The following INTU variants were observed in gnomAD, a reference collection of about 807,000 sequenced individuals.
INTU encodes protein inturned.
In INTU, 68 loss-of-function variants were observed where a neutral mutation model predicts 100.5. That is an observed-to-expected ratio of 0.68 (90% CI 0.56 to 0.83). The LOEUF (loss-of-function observed/expected upper bound fraction) is 0.83. Ranked by LOEUF, INTU falls within the 40% of genes least tolerant of loss-of-function variation. INTU has a pLI of 0.00. For synonymous variants in INTU, 357 were observed against 395.7 expected (o/e 0.90, Z 1.16); for missense variants, 1,071 against 1,114.7 (o/e 0.96, Z 0.56).
intron 1 of INTU, among the ~76,000 whole-genome samples, chr4:127,641,569 C>G (rs1298170462): frequency 2.6e-5 from 4 of 152,104 alleles, no homozygotes; most frequent in Admixed American, 6.6e-5. Flanking sequence ...CAACCTCCAG[C>G]TAGGCTAAGC....
In INTU at chr4:127,723,406, C is replaced by A. The variant is rs1262223321; in HGVS notation, c.*6970C>A. On this transcript the variant is annotated 3_prime_UTR_variant, in exon 16 of 16. Coordinates refer to ENST00000335251, the MANE Select transcript of INTU (RefSeq NM_015693.4). ...TCTACTTTTTTTTTTTTTTTTTTTG[C>A]CTCTTGCATGTTGGTCACCTCCTAA... 1 of 117,206 alleles carries A rather than the reference C, an allele frequency of 8.5e-6. No homozygotes were observed. Among genetic ancestry groups the A allele is most frequent in the South Asian group, 2.5e-4 (1 of 3,942 alleles). The allele number at this position is 117,206 out of a possible 1,614,324, so 7.3% of individuals were successfully genotyped here.
At chr4:127,651,689 C>G (rs1436831354) in intron 2 of INTU, among the ~76,000 whole-genome samples, 1 of 151,956 alleles carries the variant, frequency 6.6e-6, no homozygotes, top group Non-Finnish European at 1.5e-5. Flanking sequence ...TTAGGATTGC[C>G]TTGGCGATGC....
At chr4:127,680,206 A>C (rs1046984524) in intron 6 of INTU, among the ~76,000 whole-genome samples, 2 of 152,182 alleles carry the variant, frequency 1.3e-5, no homozygotes, top group African/African-American at 2.4e-5. Flanking sequence ...TCCTTCTGAA[A>C]CTATTCCAAT....
At chr4:127,664,573 A>G (rs899698797) in intron 4 of INTU, among the ~76,000 whole-genome samples, 4 of 152,044 alleles carry the variant, frequency 2.6e-5, no homozygotes, top group African/African-American at 9.7e-5. Context: ...GAATTATTAA[A>G]TCTTCCTGGA....
intron 6 of INTU, among the ~76,000 whole-genome samples, chr4:127,681,112 C>T (rs1729520095): frequency 6.6e-6 from 1 of 152,102 alleles, no homozygotes; most frequent in Non-Finnish European, 1.5e-5. Flanking sequence ...AGGATACAAA[C>T]AAATGGAAGA....
At chr4:127,711,576 G>T (rs1194220763) in intron 14 of INTU, among the ~76,000 whole-genome samples, 1 of 152,184 alleles carries the variant, frequency 6.6e-6, no homozygotes, top group Non-Finnish European at 1.5e-5. Context: ...GAACCAGGCT[G>T]CACAGCAGGA....
At position 127,706,558 on chromosome 4, in the gene INTU, A is replaced by G; in HGVS notation, c.1860A>G (p.Pro620=). Residue 620 remains proline (P), a synonymous_variant, in exon 12 of 16, where the codon CCA becomes CCG. Transcript: ENST00000335251. ...CASKAIGSPG[P]DCVYVDQVKT... ...CCAAAGCTATTGGGAGTCCTGGACC[A>G]GACTGTGTATATGTGGATCAAGTCA... 6.2e-7 allele frequency: 1 copy of G among 1,614,056 alleles called. No homozygotes were observed. The highest frequency in any genetic ancestry group is 1.1e-5 in the South Asian group (1 of 91,082).
Position 127,656,643 on chromosome 4 carries a change from C to G in INTU, c.690C>G (p.Val230=). ...MKSGQVLIGD[V]LVAVNDVDVT... ...TTGTTATTCTGGTTTCAGGTGATGT[C>G]CTTGTTGCTGTGAATGATGTCGATG... Residue 230 remains valine (V), a synonymous_variant, in exon 3 of 16, where the codon GTC becomes GTG. Transcript: ENST00000335251. The G allele has an allele frequency of 1.9e-6, 3 of 1,607,790 alleles. No individual in the cohort carries two copies. Among genetic ancestry groups the G allele is most frequent in the Non-Finnish European group, 2.6e-6 (3 of 1,175,084 alleles).
At chr4:127,704,726 C>T (rs1416721260) in intron 10 of INTU, among the ~76,000 whole-genome samples, 1 of 152,030 alleles carries the variant, frequency 6.6e-6, no homozygotes, top group Non-Finnish European at 1.5e-5. Flanking sequence ...CTCAAAGAAC[C>T]AAGTTTGTAA....
chr4:127,706,868 G>A lies in INTU; in HGVS notation c.2170G>A (p.Glu724Lys), dbSNP rs779470271. The change falls in exon 12 of 16, where the codon GAA becomes AAA. Residue 724 changes from glutamate (E) to lysine (K), a missense_variant. Transcript: ENST00000335251. ...GGSDNGCEGG[E>K]DDGFSPHTTP... ...ATCTGACAATGGTTGTGAAGGTGGA[G>A]AAGATGATGGCTTTAGCCCCCATAC... is the stretch of plus-strand genomic sequence containing the variant. The A allele has an allele frequency of 6.2e-7, 1 of 1,614,074 alleles. No homozygotes were observed. Among genetic ancestry groups the A allele is most frequent in the Non-Finnish European group, 8.5e-7 (1 of 1,179,986 alleles).
In INTU at chr4:127,687,779, C is replaced by G; in HGVS notation, c.1361C>G (p.Pro454Arg). The G allele has an allele frequency of 6.2e-7, 1 of 1,613,540 alleles. No homozygotes were observed. The highest frequency in any genetic ancestry group is 8.5e-7 in the Non-Finnish European group (1 of 1,179,672). Residue 454 changes from proline (P) to arginine (R), a missense_variant, in exon 8 of 16, where the codon CCC becomes CGC. Transcript: ENST00000335251. ...GCGAAACTGCATTCCAGCGCCAGTC[C>G]CAGTGCTCAGCAGTACGATGCTTCC... is the stretch of plus-strand genomic sequence containing the variant. ...QPAKLHSSAS[P>R]SAQQYDASSA...
chr4:127,658,788 A>G (rs947757212), intron 3 of INTU, among the ~76,000 whole-genome samples: 7 of 152,216 alleles, frequency 4.6e-5, no homozygotes, highest in East Asian at 1.9e-4. Context: ...GACCAGTTCC[A>G]TCCACAATTA....
At chr4:127,646,876 T>C (rs1727618409) in intron 2 of INTU, among the ~76,000 whole-genome samples, 1 of 152,204 alleles carries the variant, frequency 6.6e-6, no homozygotes, top group Admixed American at 6.5e-5. Context: ...CAGAAAACAT[T>C]GAGTTTTGAA....
intron 8 of INTU, among the ~76,000 whole-genome samples, chr4:127,698,786 T>C (rs777184877): frequency 2.2e-4 from 34 of 152,172 alleles, no homozygotes; most frequent in Non-Finnish European, 4.3e-4. Flanking sequence ...CTAATTAGCC[T>C]GTAGAGTTTA....
At chr4:127,642,638 A>G (rs1199331567) in intron 1 of INTU, among the ~76,000 whole-genome samples, 1 of 152,144 alleles carries the variant, frequency 6.6e-6, no homozygotes, top group East Asian at 1.9e-4. Context: ...TTTTTCCACT[A>G]TTACTAGTTT....
intron 15 of INTU, among the ~76,000 whole-genome samples, chr4:127,715,390 C>G (rs1560623349): frequency 6.6e-6 from 1 of 152,094 alleles, no homozygotes; most frequent in African/African-American, 2.4e-5. Flanking sequence ...AGACATTATC[C>G]AAAGCAGAAA....
At chr4:127,694,842 A>G (rs1324858930) in intron 8 of INTU, among the ~76,000 whole-genome samples, 1 of 151,976 alleles carries the variant, frequency 6.6e-6, no homozygotes, top group Non-Finnish European at 1.5e-5. Flanking sequence ...ATATTTGTGG[A>G]CTCTCTGTTC....
At chr4:127,714,693 C>G (rs1462969909) in intron 15 of INTU, among the ~76,000 whole-genome samples, 1 of 152,130 alleles carries the variant, frequency 6.6e-6, no homozygotes, top group African/African-American at 2.4e-5. Context: ...CAGTTATTCT[C>G]TATATGACTC....
At chr4:127,708,121 A>G (rs1329109794) in intron 12 of INTU, among the ~76,000 whole-genome samples, 1 of 152,218 alleles carries the variant, frequency 6.6e-6, no homozygotes, top group Non-Finnish European at 1.5e-5. Context: ...AAAGATTTGG[A>G]CAGATTAAAG....
Sources: allele counts gnomAD v4.1 joint callset (sites outside exome capture counted in the v4.1 genomes callset), GRCh38; gene constraint gnomAD v4.1.1; transcripts MANE v1.5; gene names NCBI Gene and HGNC (gene_info 2026-07-23, HGNC 2026-07-21).